The following ZNF678 variants were observed in gnomAD, a reference collection of about 807,000 sequenced individuals.
The protein encoded by ZNF678 is hypothetical protein MGC42493.
A neutral mutation model predicts 3.0 loss-of-function variants in ZNF678; 5 were observed. That is an observed-to-expected ratio of 1.69 (90% CI 0.88 to 3.56). The LOEUF is 3.56. Among genes scored for constraint, ZNF678 ranks in the 30% most tolerant of loss-of-function variants. ZNF678 has a pLI of 0.00. For synonymous variants in ZNF678, 218 were observed against 199.6 expected, an observed-to-expected ratio of 1.09 and a Z score of -0.78; for missense variants, 593 against 605.0, an observed-to-expected ratio of 0.98 and a Z score of 0.21.
rs189866127 is a variant in ZNF678 at position 227,598,245 on chromosome 1, G to A, written c.-164+34521G>A. Among the ~76,000 whole-genome samples, 564 of 152,288 alleles carry A rather than the reference G, an allele frequency of 3.7e-3. 13 individuals carry two copies. Among genetic ancestry groups the A allele is most frequent in the Admixed American group, 0.034 (514 of 15,292 alleles). On this transcript the variant is annotated intron_variant, in intron 1 of 3. Transcript: ENST00000343776. Reference sequence around the variant, plus strand: ...AAGAGAAAAAAACAGATGTTCAAGCGGCAGGCAACATTTGTGGCCCTTTCA... The same window carrying A: ...AAGAGAAAAAAACAGATGTTCAAGCAGCAGGCAACATTTGTGGCCCTTTCA...
At chr1:227,630,345 G>C (rs1658519292) in intron 1 of ZNF678, among the ~76,000 whole-genome samples, 1 of 152,112 alleles carries the variant, frequency 6.6e-6, no homozygotes, top group South Asian at 2.1e-4. Context: ...GCATCCCAAT[G>C]GGGGTCTACA....
chr1:227,667,080 A>C (rs1404129769), downstream of ZNF678, among the ~76,000 whole-genome samples: 1 of 150,804 alleles, frequency 6.6e-6, no homozygotes, highest in African/African-American at 2.4e-5. Context: ...AACTCATTTC[A>C]TCACTCAGGC....
Position 227,605,808 on chromosome 1 carries a change from A to G in ZNF678, c.-163-40736A>G, listed in dbSNP as rs1452087007. Among the ~76,000 whole-genome samples, 3 of 152,214 alleles carry G rather than the reference A, an allele frequency of 2.0e-5. No homozygotes were observed. The East Asian group carries it at 5.8e-4, about 29-fold the overall frequency. ...ACTGGATATATTCCTGTGACACTTC[A>G]CCACTATGAGAATAATAAATATAGC... On this transcript the variant is annotated intron_variant, in intron 1 of 3. Transcript: ENST00000343776.
chr1:227,632,727 T>C (rs1313379049), intron 1 of ZNF678, among the ~76,000 whole-genome samples: 2 of 152,156 alleles, frequency 1.3e-5, no homozygotes, highest in Admixed American at 1.3e-4. Flanking sequence ...TAAGGAAGGA[T>C]AGGACAGAAT....
chr1:227,650,741 G>GT (rs577603683), intron 2 of ZNF678, among the ~76,000 whole-genome samples: 9 of 151,874 alleles, frequency 5.9e-5, no homozygotes, highest in African/African-American at 9.7e-5. Context: ...CCGTAAATGA[G>GT]TTTTTTTTAT....
chr1:227,644,107 C>T (rs1056211054), intron 1 of ZNF678, among the ~76,000 whole-genome samples: 16 of 152,072 alleles, frequency 1.1e-4, no homozygotes, highest in Admixed American at 9.2e-4. Flanking sequence ...TTAGGTGATC[C>T]GCCCGCCTCA....
Position 227,657,093 on chromosome 1 carries a change from G to A in ZNF678, c.*1265G>A, listed in dbSNP as rs576508857. On this transcript the variant is annotated 3_prime_UTR_variant, in exon 4 of 4. Coordinates refer to ENST00000343776, the MANE Select transcript of ZNF678 (RefSeq NM_001367909.1). ...CCCATGTTGGAGGCGGGGTCTAGTG[G>A]AAGGTGTTTAGGTCATGGGTGTAGA... 16 of 152,024 alleles carry A rather than the reference G, an allele frequency of 1.1e-4. No homozygotes were observed. The East Asian group carries it at 2.1e-3, about 20-fold the overall frequency. 9.4% of individuals were successfully genotyped at this position (152,024 alleles called of 1,614,324 possible).
intron 1 of ZNF678, among the ~76,000 whole-genome samples, chr1:227,629,876 G>A (rs1642193921): frequency 6.6e-6 from 1 of 151,820 alleles, no homozygotes; most frequent in Non-Finnish European, 1.5e-5. Context: ...CATTCAATTT[G>A]CCCAGCCTTT....
At chr1:227,621,461 CAT>C (rs1190070053) in intron 1 of ZNF678, among the ~76,000 whole-genome samples, 1 of 152,128 alleles carries the variant, frequency 6.6e-6, no homozygotes, top group Non-Finnish European at 1.5e-5. Flanking sequence ...CAAGGAAGTT[CAT>C]ATATGTCTCC....
chr1:227,610,725 A>G (rs1657996067), intron 1 of ZNF678, among the ~76,000 whole-genome samples: 2 of 152,298 alleles, frequency 1.3e-5, no homozygotes, highest in Admixed American at 1.3e-4. Flanking sequence ...ATGACTGTAC[A>G]ATCCAACAAG....
intron 1 of ZNF678, among the ~76,000 whole-genome samples, chr1:227,595,856 A>G (rs1320711658): frequency 1.3e-5 from 2 of 152,182 alleles, no homozygotes; most frequent in African/African-American, 2.4e-5. Context: ...CAAATGGAGT[A>G]GGCAAGTTCC....
intron 1 of ZNF678, among the ~76,000 whole-genome samples, chr1:227,625,625 C>T (rs1384620109): frequency 2.6e-5 from 4 of 152,100 alleles, no homozygotes; most frequent in East Asian, 1.9e-4. Context: ...AGTAGGGTTT[C>T]GGGCCAAGGC....
intron 1 of ZNF678, among the ~76,000 whole-genome samples, chr1:227,568,116 C>G (rs971897785): frequency 2.0e-5 from 3 of 152,066 alleles, no homozygotes; most frequent in Admixed American, 6.6e-5. Context: ...GTTCAGGGGC[C>G]TGTTGGAAAG....
chr1:227,592,564 T>G (rs1163527358), intron 1 of ZNF678, among the ~76,000 whole-genome samples: 1 of 152,242 alleles, frequency 6.6e-6, no homozygotes, highest in Non-Finnish European at 1.5e-5. Flanking sequence ...CTTTAACTCA[T>G]GAAAAGCTTG....
chr1:227,603,784 G>A (rs571673749), intron 1 of ZNF678, among the ~76,000 whole-genome samples: 3 of 152,194 alleles, frequency 2.0e-5, no homozygotes, highest in African/African-American at 7.2e-5. Flanking sequence ...TGGACTTCAA[G>A]TGCCTCTTAG....
intron 1 of ZNF678, among the ~76,000 whole-genome samples, chr1:227,592,502 A>G (rs1479198869): frequency 6.6e-6 from 1 of 152,212 alleles, no homozygotes; most frequent in South Asian, 2.1e-4. Context: ...ATAGGGTGTA[A>G]AGGGATTTGT....
intron 1 of ZNF678, among the ~76,000 whole-genome samples, chr1:227,640,633 T>C (rs1658797051): frequency 6.6e-6 from 1 of 152,216 alleles, no homozygotes. Context: ...TAAAGTCGAA[T>C]GTTCTATTTG....
chr1:227,641,339 A>G (rs893017260), intron 1 of ZNF678, among the ~76,000 whole-genome samples: 2 of 152,198 alleles, frequency 1.3e-5, no homozygotes, highest in African/African-American at 4.8e-5. Context: ...GAGGCCTAAA[A>G]TGGGGTCAGC....
Position 227,654,842 on chromosome 1 carries a change from A to G in ZNF678, c.592A>G (p.Ser198Gly), listed in dbSNP as rs1459485402. The G allele has an allele frequency of 1.9e-6, 3 of 1,607,460 alleles. No homozygotes were observed. The highest frequency in any genetic ancestry group is 1.1e-5 in the South Asian group (1 of 90,818). The change falls in exon 4 of 4, where the codon AGC (serine) becomes GGC (glycine). Residue 198 changes from serine (S) to glycine (G), a missense_variant. By Grantham distance (56) the Ser-to-Gly change is moderately conservative. Coordinates refer to ENST00000343776, the MANE Select transcript of ZNF678 (RefSeq NM_001367909.1). ...KVFNWWSQLT[S>G]HKKIHSGEKP... ...TTTTAATTGGTGGTCACAACTAACT[A>G]GCCATAAGAAAATTCATAGTGGAGA...
Sources: gnomAD v4.1 joint callset for allele counts (sites outside exome capture counted in the v4.1 genomes callset) on GRCh38, gnomAD v4.1.1 for gene constraint, MANE v1.5 for transcripts, NCBI Gene and HGNC (gene_info 2026-07-23, HGNC 2026-07-21) for gene names.